Variants in STRIP1 observed in about 807,000 individuals in gnomAD.
STRIP1 encodes the protein striatin interacting protein 1, also known as striatin-interacting protein 1.
Under a neutral mutation model 106.2 loss-of-function variants are expected in STRIP1, and 63 were observed. That is an observed-to-expected ratio of 0.59 (90% confidence interval 0.48 to 0.73). The LOEUF (loss-of-function observed/expected upper bound fraction) is 0.73, where lower values mean the gene tolerates loss of function less well. STRIP1 is among the 30% of genes least tolerant of loss of function. The pLI is 0.00. For missense variants in STRIP1, 857 were observed against 1,074.8 expected, an observed-to-expected ratio of 0.80 and a Z score of 2.83; for synonymous variants, 390 against 413.0, an observed-to-expected ratio of 0.94 and a Z score of 0.67.
chr1:110,039,337 G>A, intron 4 of STRIP1, 31 bp downstream of exon 4: 1 of 1,613,892 alleles, frequency 6.2e-7, no homozygotes, highest in African/African-American at 1.3e-5. Context: ...GGGTTCCCTG[G>A]CACCTCTGCC....
chr1:110,039,733 GTT>G (rs1270509931), intron 5 of STRIP1: 1 of 1,095,560 alleles, frequency 9.1e-7, no homozygotes, highest in African/African-American at 1.6e-5. Flanking sequence ...TGATGCCAGA[GTT>G]TTTACACCAG....
At chr1:110,052,386 T>G (rs1465935556) in intron 20 of STRIP1, among the ~76,000 whole-genome samples, 1 of 152,188 alleles carries the variant, frequency 6.6e-6, no homozygotes, top group Non-Finnish European at 1.5e-5. Context: ...CTTAGCCTCC[T>G]GAGTAGCTGG....
At chr1:110,041,341 T>C (rs1432488844) in intron 6 of STRIP1, 195 bp from the exon 7 acceptor site, 1 of 543,560 alleles carries the variant, frequency 1.8e-6, no homozygotes, top group South Asian at 2.1e-5. Flanking sequence ...TACAGCTCGC[T>C]ACCACCTCTG....
Position 110,039,274 on chromosome 1 carries a change from A to G in STRIP1, c.428A>G (p.Lys143Arg), listed in dbSNP as rs757879228. 2.7e-5 allele frequency: 44 copies of G among 1,614,070 alleles called. No homozygotes were observed. The highest frequency in any genetic ancestry group is 2.3e-4 in the Admixed American group (14 of 60,006). ...LEVTAREKRL[K>R]VARAILYVAQ... ...GTCACTGCCAGGGAGAAGAGACTCA[A>G]GGTGGCTCGAGCAATTCTCTATGTT... The change falls in exon 4 of 21, where the codon AAG (lysine) becomes AGG (arginine). Residue 143 changes from lysine (K) to arginine (R), a missense_variant. Lys to Arg is a conservative substitution (Grantham distance 26). Around this residue, in one of 2 missense-constraint regions of STRIP1, gnomAD observed 750 missense variants for 989.8 expected, o/e 0.76. Coordinates refer to ENST00000369795, the MANE Select transcript of STRIP1 (RefSeq NM_033088.4).
rs201706356 is a variant in STRIP1, at chr1:110,039,343, C to T, written c.460+37C>T. The stretch of plus-strand genomic sequence containing the variant: ...ACCTCCCCAGGGTTCCCTGGCACCT[C>T]TGCCCACTCAGATGCAGGGAGGGGC... On this transcript the variant is annotated intron_variant, in intron 4 of 20. Coordinates refer to ENST00000369795, the MANE Select transcript of STRIP1 (RefSeq NM_033088.4). 2.3e-4 allele frequency: 365 copies of T among 1,613,818 alleles called. 3 individuals carry two copies. The highest frequency in any genetic ancestry group is 4.2e-5 in the Non-Finnish European group (49 of 1,179,874).
rs746252196 is a variant in STRIP1 at position 110,043,111 on chromosome 1, G to T, written c.909G>T (p.Glu303Asp). Reference sequence around the variant, plus strand: ...AGTGCACGCTAGGCGGCTTTGAGGAGCTGCAGAGCATGAAGGCTGAGAAGC... The same window carrying T: ...AGTGCACGCTAGGCGGCTTTGAGGATCTGCAGAGCATGAAGGCTGAGAAGC... ...TVLCTLGGFEELQSMKAEKRS... is the reference protein window; with the variant it reads ...TVLCTLGGFEDLQSMKAEKRS... The change falls in exon 9 of 21, where the codon GAG (glutamate) becomes GAT (aspartate). Residue 303 changes from glutamate to aspartate, a missense_variant. Glu to Asp is a conservative substitution (Grantham distance 45, BLOSUM62 2). Transcript: ENST00000369795. 2.5e-6 allele frequency: 4 copies of T among 1,613,292 alleles called. No homozygotes were observed. In the Admixed American group the frequency reaches 6.7e-5, roughly 27 times the overall value.
In STRIP1 at chr1:110,053,740, G is replaced by A. The variant is rs1359338958; in HGVS notation, c.2342G>A (p.Arg781Gln). Residue 781 changes from arginine (R) to glutamine (Q), a missense_variant, in exon 21 of 21, where the codon CGG becomes CAG. By Grantham distance (43) the Arg-to-Gln change is conservative (BLOSUM62 1). This residue lies in a region of STRIP1 where 750 missense variants were observed against 989.8 expected (regional missense o/e 0.76). Transcript: ENST00000369795. ...GCCAACATTGAACGCTTCAACGCCC[G>A]GCGCTATGACCGGGCCCACAGCAAC... Reference protein sequence around the residue: ...LRANIERFNARRYDRAHSNPD... With the variant: ...LRANIERFNAQRYDRAHSNPD... 1 of 1,614,050 alleles carries A rather than the reference G, an allele frequency of 6.2e-7. No homozygotes were observed. The highest frequency in any genetic ancestry group is 8.5e-7 in the Non-Finnish European group (1 of 1,180,020).
Position 110,043,870 on chromosome 1 carries a change from C to T in STRIP1, c.1286+14C>T, listed in dbSNP as rs756292131. 1 of 1,608,690 alleles carries T rather than the reference C, an allele frequency of 6.2e-7. No homozygotes were observed. Among genetic ancestry groups the T allele is most frequent in the Admixed American group, 1.7e-5 (1 of 60,022 alleles). ...TCCCAAGGTCAGGTGAGTCTCAGAC[C>T]TCCAGAGCACTCATAGTTCCTGAGG... On this transcript the variant is annotated intron_variant, in intron 10 of 20. Transcript: ENST00000369795.
intron 18 of STRIP1, 93 bp from the exon 19 acceptor site, chr1:110,050,863 C>A: frequency 1.3e-6 from 1 of 750,828 alleles, no homozygotes; most frequent in Non-Finnish European, 2.4e-6. Flanking sequence ...GCCTGGAGAC[C>A]CGGCTGTCCT....
chr1:110,040,140 G>A (rs528208156), intron 5 of STRIP1, among the ~76,000 whole-genome samples: 124 of 152,332 alleles, frequency 8.1e-4, no homozygotes, highest in African/African-American at 2.5e-3. Flanking sequence ...TGGCAGTCCA[G>A]TGCATGGCTG....
At position 110,043,187 on chromosome 1, in the gene STRIP1, C is replaced by G; in HGVS notation, c.985C>G (p.Arg329Gly). 1 of 1,614,010 alleles carries G rather than the reference C, an allele frequency of 6.2e-7. No homozygotes were observed. Among genetic ancestry groups the G allele is most frequent in the Non-Finnish European group, 8.5e-7 (1 of 1,180,034 alleles). ...PLPEDSIKVI[R>G]NMRAASPPAS... is the part of the protein sequence containing the mutation. ...TCCTGAGGACAGCATCAAAGTGATT[C>G]GCAACATGAGAGCAGCCTCTCCACC... The change falls in exon 9 of 21, where the codon CGC becomes GGC. Residue 329 changes from arginine (R) to glycine (G), a missense_variant. Arg to Gly is a moderately radical substitution (Grantham distance 125, BLOSUM62 -2). Transcript: ENST00000369795.
chr1:110,051,122 C>T, intron 19 of STRIP1, 62 bp downstream of exon 19: 1 of 1,114,526 alleles, frequency 9.0e-7, no homozygotes, highest in Non-Finnish European at 1.4e-6. Context: ...GTGCTGGGAG[C>T]AGGGAGTCCC....
chr1:110,040,679 C>T lies in STRIP1; in HGVS notation c.626C>T (p.Ser209Phe). Residue 209 changes from serine (S) to phenylalanine (F), a missense_variant, in exon 6 of 21, where the codon TCC becomes TTC. This residue lies in a region of STRIP1 where 750 missense variants were observed against 989.8 expected (regional missense o/e 0.76). Coordinates refer to ENST00000369795, the MANE Select transcript of STRIP1 (RefSeq NM_033088.4). The part of the protein sequence containing the change: ...CSSAVRKPAI[S>F]LADSTDLRVL... Reference sequence around the variant, plus strand: ...AGTGCTGTGAGGAAGCCTGCCATCTCCCTGGCTGACAGCACAGACCTCAGG... The same window carrying T: ...AGTGCTGTGAGGAAGCCTGCCATCTTCCTGGCTGACAGCACAGACCTCAGG... 1 of 1,612,026 alleles carries T rather than the reference C, an allele frequency of 6.2e-7. No individual in the cohort carries two copies. The highest frequency in any genetic ancestry group is 8.5e-7 in the Non-Finnish European group (1 of 1,179,158).
At chr1:110,048,544 G>C (rs1279724377) in intron 15 of STRIP1, among the ~76,000 whole-genome samples, 2 of 152,242 alleles carry the variant, frequency 1.3e-5, no homozygotes, top group Non-Finnish European at 2.9e-5. Context: ...GCTAACACCA[G>C]AGGGAGGATC....
At chr1:110,046,807 T>G in intron 13 of STRIP1, 56 bp downstream of exon 13, 1 of 1,367,446 alleles carries the variant, frequency 7.3e-7, no homozygotes, top group Non-Finnish European at 1.0e-6. Context: ...ATCCCAGCAC[T>G]TTGGGAGGCC....
At chr1:110,036,392 T>G (rs907397730) in intron 1 of STRIP1, among the ~76,000 whole-genome samples, 5 of 152,006 alleles carry the variant, frequency 3.3e-5, no homozygotes, top group Admixed American at 6.6e-5. Flanking sequence ...GGTGGAGATT[T>G]GCAGTGAGCC....
At chr1:110,041,347 C>G in intron 6 of STRIP1, 189 bp from the exon 7 acceptor site, 2 of 550,972 alleles carry the variant, frequency 3.6e-6, no homozygotes, top group Non-Finnish European at 6.5e-6. Flanking sequence ...TCGCTACCAC[C>G]TCTGTGGTTT....
At chr1:110,036,522 A>C (rs1652463259) in intron 1 of STRIP1, among the ~76,000 whole-genome samples, 3 of 152,360 alleles carry the variant, frequency 2.0e-5, no homozygotes, top group African/African-American at 7.2e-5. Flanking sequence ...ACATTTAAGC[A>C]GAGACCTGTC....
chr1:110,053,608 A>G, intron 20 of STRIP1, 57 bp from the exon 21 acceptor site: 2 of 1,596,556 alleles, frequency 1.3e-6, no homozygotes, highest in East Asian at 2.2e-5. Context: ...CAGTGAATCC[A>G]TGGGGAGCTG....
Sources: gnomAD v4.1 joint callset for allele counts (sites outside exome capture counted in the v4.1 genomes callset) on GRCh38, gnomAD v4.1.1 for gene constraint, gnomAD v4.1.1 regional missense constraint, MANE v1.5 for transcripts, NCBI Gene and HGNC (gene_info 2026-07-23, HGNC 2026-07-21) for gene names.